The following NDST4 variants were observed in gnomAD, a reference collection of about 807,000 sequenced individuals.
NDST4 encodes N-heparan sulfate sulfotransferase 4.
In NDST4, 63 loss-of-function variants were observed where a neutral mutation model predicts 100.8. The ratio of observed to expected loss-of-function variants is 0.62; its 90% CI spans 0.51 to 0.77. NDST4 has a LOEUF of 0.77. NDST4 is among the 30% of genes least tolerant of loss of function. The pLI is 0.00. For synonymous variants in NDST4, 377 were observed against 361.8 expected (o/e 1.04, Z -0.48); for missense variants, 943 against 1,018.4 (o/e 0.93, Z 1.01).
chr4:115,017,587 T>C (rs572755572), intron 2 of NDST4, among the ~76,000 whole-genome samples: 2 of 152,204 alleles, frequency 1.3e-5, no homozygotes, highest in South Asian at 2.1e-4. Context: ...AAACACCAGA[T>C]ATAAACTTGC....
chr4:114,949,430 A>T (rs1725940501), intron 4 of NDST4, among the ~76,000 whole-genome samples: 1 of 152,068 alleles, frequency 6.6e-6, no homozygotes, highest in South Asian at 2.1e-4. Context: ...GTAAACTGAA[A>T]AACATAGGAA....
chr4:115,068,472 A>T (rs1728998555), intron 2 of NDST4, among the ~76,000 whole-genome samples: 1 of 152,198 alleles, frequency 6.6e-6, no homozygotes, highest in South Asian at 2.1e-4. Context: ...TTGCTTCAAG[A>T]TGAAGTTCAA....
intron 7 of NDST4, among the ~76,000 whole-genome samples, chr4:114,867,665 C>CAAAAAAAAAAAAAAAAAAA: frequency 5.9e-4 from 47 of 79,832 alleles, no homozygotes; most frequent in East Asian, 1.2e-3. Context: ...AAAAAAAAAG[C>CAAAAAAAAAAAAAAAAAAA]AAAAAAAAAA....
chr4:115,090,124 T>A (rs1729486970), intron 1 of NDST4, among the ~76,000 whole-genome samples: 1 of 151,842 alleles, frequency 6.6e-6, no homozygotes, highest in Non-Finnish European at 1.5e-5. Flanking sequence ...ATTAATTTTT[T>A]ATGTTATTTT....
chr4:114,975,793 A>G (rs544153943), intron 3 of NDST4, among the ~76,000 whole-genome samples: 1 of 152,232 alleles, frequency 6.6e-6, no homozygotes, highest in Admixed American at 6.5e-5. Context: ...GCATGAGTAG[A>G]TATAGCCTTT....
intron 2 of NDST4, among the ~76,000 whole-genome samples, chr4:115,027,502 G>T (rs1167578198): frequency 1.3e-5 from 2 of 152,100 alleles, no homozygotes; most frequent in African/African-American, 4.8e-5. Flanking sequence ...CTTAGAAAGA[G>T]ACTAGGGATT....
In NDST4 at chr4:115,083,454, T is replaced by C. The variant is rs1729342794; in HGVS notation, c.-246-6172A>G. The stretch of plus-strand genomic sequence containing the variant: ...CAGCCTGGGTGACAGAGGGATACCC[T>C]GTCTGGAAACACACAAAAACCAGAA... On this transcript the variant is annotated intron_variant, in intron 1 of 13. Transcript: ENST00000264363. 2.0e-5 allele frequency among the ~76,000 whole-genome samples: 3 copies of C among 152,188 alleles called. No individual in the cohort carries two copies. The South Asian group carries it at 6.2e-4, about 32-fold the overall frequency.
chr4:115,037,532 ATTG>A (rs577544516), intron 2 of NDST4, among the ~76,000 whole-genome samples: 184 of 152,188 alleles, frequency 1.2e-3, no homozygotes, highest in African/African-American at 4.3e-3. Context: ...TTCTTATTAT[ATTG>A]TTATGTGCAT....
At chr4:114,837,069 T>A (rs1019834431) in intron 11 of NDST4, among the ~76,000 whole-genome samples, 1 of 152,122 alleles carries the variant, frequency 6.6e-6, no homozygotes, top group African/African-American at 2.4e-5. Context: ...ACATGTTCCT[T>A]TAGCTCAGAG....
At chr4:114,865,069 TTC>T (rs1206636536) in intron 7 of NDST4, among the ~76,000 whole-genome samples, 1 of 138,640 alleles carries the variant, frequency 7.2e-6, no homozygotes, top group African/African-American at 3.2e-5. Context: ...TCATTTTTTT[TTC>T]TTTTTTTTTT....
chr4:114,874,362 G>GA (rs1207863415), intron 6 of NDST4, among the ~76,000 whole-genome samples: 1 of 152,162 alleles, frequency 6.6e-6, no homozygotes, highest in Non-Finnish European at 1.5e-5. Flanking sequence ...AGGGCAAATG[G>GA]AAAATCTGTC....
chr4:115,075,556 G>A (rs1729160385), intron 2 of NDST4, among the ~76,000 whole-genome samples: 2 of 152,248 alleles, frequency 1.3e-5, no homozygotes, highest in South Asian at 4.2e-4. Context: ...GAAGGTCAAG[G>A]CGGGTGGATC....
chr4:115,078,388 G>T (rs1000655367), intron 1 of NDST4, among the ~76,000 whole-genome samples: 1 of 152,178 alleles, frequency 6.6e-6, no homozygotes, highest in African/African-American at 2.4e-5. Context: ...TGACCAAAAT[G>T]CTGATAGTGA....
chr4:115,102,898 G>A (rs1039486857), intron 1 of NDST4, among the ~76,000 whole-genome samples: 1 of 151,608 alleles, frequency 6.6e-6, no homozygotes, highest in Non-Finnish European at 1.5e-5. Context: ...TAGTAGAGAC[G>A]GGATTTCACC....
chr4:114,949,197 C>G lies in NDST4; in HGVS notation c.1222-11694G>C, dbSNP rs575683860. ...GTTATCTAATAATTGATTAATAACT[C>G]TATCAATTTTTTTAGAAAGTATTAA... On this transcript the variant is annotated intron_variant, in intron 4 of 13. Coordinates refer to ENST00000264363, the MANE Select transcript of NDST4 (RefSeq NM_022569.3). 2.7e-4 allele frequency among the ~76,000 whole-genome samples: 39 copies of G among 144,942 alleles called. 1 individual carries two copies. In the South Asian group the frequency reaches 6.5e-3, roughly 24 times the overall value.
At chr4:114,899,379 A>G (rs112170008) in intron 6 of NDST4, among the ~76,000 whole-genome samples, 8,970 of 152,060 alleles carry the variant, frequency 0.059, 721 homozygotes, top group African/African-American at 0.18. Context: ...GGGTTTCACC[A>G]GGTTAGCCAG....
intron 4 of NDST4, chr4:114,955,828 C>A (rs1328920081): frequency 1.3e-5 from 2 of 152,224 alleles, no homozygotes; most frequent in Non-Finnish European, 2.9e-5. Context: ...CTTTCTCTTC[C>A]TGCCCCAGTT....
chr4:114,910,011 A>C (rs941839855), intron 6 of NDST4, among the ~76,000 whole-genome samples: 5 of 152,208 alleles, frequency 3.3e-5, no homozygotes, highest in Non-Finnish European at 5.9e-5. Context: ...TGTATTTATT[A>C]GCTTATCTTG....
intron 2 of NDST4, among the ~76,000 whole-genome samples, chr4:114,988,350 A>ACCTTTTTT (rs1726957763): frequency 1.3e-5 from 1 of 76,702 alleles, no homozygotes; most frequent in Non-Finnish European, 2.5e-5. Context: ...AGATACACAT[A>ACCTTTTTT]TCTTTTTTTT....
Sources: allele counts gnomAD v4.1 joint callset (sites outside exome capture counted in the v4.1 genomes callset), GRCh38; gene constraint gnomAD v4.1.1; transcripts MANE v1.5; gene names NCBI Gene and HGNC (gene_info 2026-07-23, HGNC 2026-07-21).